Variants in CLASP1 observed in about 807,000 individuals in gnomAD.
CLASP1 encodes the protein cytoplasmic linker associated protein 1.
CLASP1 carries 38 observed loss-of-function variants against 192.3 expected under a neutral mutation model. That is an observed-to-expected ratio of 0.20 (90% confidence interval 0.15 to 0.26). The LOEUF (loss-of-function observed/expected upper bound fraction) is 0.26, where lower values mean the gene tolerates loss of function less well. Ranked by LOEUF, CLASP1 falls within the 10% of genes least tolerant of loss-of-function variation. The probability of loss-of-function intolerance (pLI) is 1.00; values close to 1 mark genes in which losing one functional copy is unlikely to be tolerated. For missense variants in CLASP1, 1,433 were observed against 1,932.5 expected, an observed-to-expected ratio of 0.74 and a Z score of 4.85; for synonymous variants, 691 against 712.8, an observed-to-expected ratio of 0.97 and a Z score of 0.49.
chr2:121,409,599 T>TG (rs2077400998), intron 24 of CLASP1, among the ~76,000 whole-genome samples: 1 of 152,178 alleles, frequency 6.6e-6, no homozygotes, highest in Non-Finnish European at 1.5e-5. Flanking sequence ...CCTTATGCAG[T>TG]TCTTTAAAGA....
At chr2:121,530,400 G>C (rs1428669322) in intron 2 of CLASP1, 75 bp from the exon 3 acceptor site, 1 of 1,210,636 alleles carries the variant, frequency 8.3e-7, no homozygotes, top group Non-Finnish European at 1.2e-6. Context: ...GCTCCGGGGA[G>C]GCCTAGACAT....
chr2:121,636,778 C>T (rs928745041), intron 1 of CLASP1, among the ~76,000 whole-genome samples: 1 of 152,148 alleles, frequency 6.6e-6, no homozygotes, highest in Non-Finnish European at 1.5e-5. Context: ...GTGTCACACA[C>T]AAAAAAGTCC....
intron 1 of CLASP1, among the ~76,000 whole-genome samples, chr2:121,622,884 C>T (rs779572948): frequency 3.3e-5 from 5 of 152,048 alleles, no homozygotes; most frequent in East Asian, 1.9e-4. Context: ...CTAATTGTCC[C>T]GGCTAGAACC....
chr2:121,457,593 G>A lies in CLASP1; in HGVS notation c.1385+94C>T, dbSNP rs1006572243. ...AGTGATTTTAAGTAATACTAAGCAT[G>A]TTATACATGAAATTTTATCCATGGA... On this transcript the variant is annotated intron_variant, in intron 14 of 39. Coordinates refer to ENST00000263710, the Ensembl canonical transcript of CLASP1. 4 of 914,722 alleles carry A rather than the reference G, an allele frequency of 4.4e-6. No homozygotes were observed. In the African/African-American group the frequency reaches 4.9e-5, roughly 11 times the overall value. 56.7% of individuals were successfully genotyped at this position (914,722 alleles called of 1,614,324 possible). A position where few individuals can be genotyped will look rare whatever the true frequency, so the allele number is the denominator to read the frequency against.
intron 2 of CLASP1, among the ~76,000 whole-genome samples, chr2:121,603,632 G>A (rs1275452444): frequency 6.6e-6 from 1 of 152,194 alleles, no homozygotes; most frequent in African/African-American, 2.4e-5. Flanking sequence ...GCTCCCCCAT[G>A]TTCACTGCAG....
rs116635626 is a variant in CLASP1, at chr2:121,377,681, C to T, written c.3492-32G>A. 1,950 of 1,477,874 alleles carry T rather than the reference C, an allele frequency of 1.3e-3. 21 individuals carry two copies. The African/African-American group carries it at 0.025, about 19-fold the overall frequency. The allele number at this position is 1,477,874 out of a possible 1,614,324, so 91.5% of individuals were successfully genotyped here. On this transcript the variant is annotated intron_variant, in intron 33 of 39. Transcript: ENST00000263710. ...ATAAAAAATATTTTATTTCTTAAAT[C>T]GAGGCATATACATAGAACTGAGATA...
chr2:121,544,645 G>C (rs1221826786), intron 2 of CLASP1, among the ~76,000 whole-genome samples: 2 of 151,978 alleles, frequency 1.3e-5, no homozygotes, highest in African/African-American at 4.8e-5. Flanking sequence ...TCAAGTATAA[G>C]GGTAGAGACG....
At chr2:121,604,531 G>C (rs922610401) in intron 2 of CLASP1, among the ~76,000 whole-genome samples, 2 of 152,138 alleles carry the variant, frequency 1.3e-5, no homozygotes, top group Non-Finnish European at 2.9e-5. Context: ...AGCTGGGCAT[G>C]GTGGCGCACG....
At chr2:121,469,745 G>T in intron 9 of CLASP1, 63 bp downstream of exon 9, 1 of 1,513,168 alleles carries the variant, frequency 6.6e-7, no homozygotes, top group Non-Finnish European at 8.9e-7. Context: ...GCAAGTACGT[G>T]CACCTCTGGT....
intron 22 of CLASP1, among the ~76,000 whole-genome samples, chr2:121,424,572 A>G (rs2080069767): frequency 1.3e-5 from 2 of 152,228 alleles, no homozygotes; most frequent in African/African-American, 4.8e-5. Context: ...AGTAATTCAC[A>G]TGATTCTACA....
chr2:121,436,661 T>A (rs1185776147), intron 19 of CLASP1, among the ~76,000 whole-genome samples: 2 of 152,190 alleles, frequency 1.3e-5, no homozygotes, highest in Non-Finnish European at 2.9e-5. Context: ...TCCACCCACC[T>A]CAGCCTCCCA....
chr2:121,401,787 T>G, intron 27 of CLASP1, 81 bp downstream of exon 28: 1 of 850,838 alleles, frequency 1.2e-6, no homozygotes, highest in South Asian at 1.3e-5. Flanking sequence ...TAACTTAGGT[T>G]AACACTGTTA....
chr2:121,386,494 T>A (rs182957787), intron 32 of CLASP1, among the ~76,000 whole-genome samples: 57 of 152,320 alleles, frequency 3.7e-4, no homozygotes, highest in African/African-American at 1.3e-3. Flanking sequence ...TTCTAAAGGC[T>A]CTTGTCAGAT....
intron 8 of CLASP1, among the ~76,000 whole-genome samples, chr2:121,494,076 G>A (rs1374569889): frequency 2.6e-5 from 4 of 152,146 alleles, no homozygotes; most frequent in Non-Finnish European, 4.4e-5. Flanking sequence ...ACTACCATAC[G>A]ATCCAGCAAT....
chr2:121,585,881 C>G (rs971336064), intron 2 of CLASP1, among the ~76,000 whole-genome samples: 2 of 136,612 alleles, frequency 1.5e-5, no homozygotes, highest in African/African-American at 2.8e-5. Context: ...GCCTGAGCAA[C>G]AGAGCAAGAC....
intron 39 of CLASP1, among the ~76,000 whole-genome samples, chr2:121,344,435 G>C (rs959638438): frequency 6.6e-6 from 1 of 151,900 alleles, no homozygotes; most frequent in Non-Finnish European, 1.5e-5. Context: ...AGGTTCAAGC[G>C]ATTCTCCTGC....
At chr2:121,600,630 T>C (rs983881842) in intron 2 of CLASP1, among the ~76,000 whole-genome samples, 5 of 152,262 alleles carry the variant, frequency 3.3e-5, no homozygotes, top group African/African-American at 1.2e-4. Flanking sequence ...ACTCTGTATA[T>C]TTGCATTACT....
intron 3 of CLASP1, among the ~76,000 whole-genome samples, chr2:121,528,998 C>T (rs547393872): frequency 1.3e-5 from 2 of 152,308 alleles, no homozygotes; most frequent in East Asian, 1.9e-4. Flanking sequence ...GACAGATACA[C>T]TATTTGTCTT....
intron 8 of CLASP1, among the ~76,000 whole-genome samples, chr2:121,488,871 A>T (rs1398171631): frequency 6.6e-6 from 1 of 152,220 alleles, no homozygotes; most frequent in Non-Finnish European, 1.5e-5. Context: ...TTACCAAAGC[A>T]TGTAAGCCTG....
Sources: allele counts gnomAD v4.1 joint callset (sites outside exome capture counted in the v4.1 genomes callset), GRCh38; gene constraint gnomAD v4.1.1; transcripts MANE v1.5; gene names NCBI Gene and HGNC (gene_info 2026-07-23, HGNC 2026-07-21).